KIRREL3: variants seen among roughly 807,000 people sequenced by gnomAD.
KIRREL3 encodes kin of IRRE-like protein 3.
In KIRREL3, 36 loss-of-function variants were observed where a neutral mutation model predicts 89.7. That is an observed-to-expected ratio of 0.40 (90% CI 0.31 to 0.53). The LOEUF is 0.53. Among genes scored for constraint, KIRREL3 ranks in the 20% least tolerant of loss-of-function variants. The pLI is 0.49. For synonymous variants in KIRREL3, 445 were observed against 441.4 expected (o/e 1.01, Z -0.10); for missense variants, 864 against 1,056.6 (o/e 0.82, Z 2.53).
intron 1 of KIRREL3, among the ~76,000 whole-genome samples, chr11:126,875,964 G>T (rs1428583237): frequency 2.6e-5 from 4 of 152,184 alleles, no homozygotes; most frequent in Non-Finnish European, 5.9e-5. Context: ...AACAGGCAAA[G>T]GCTGGGAGGT....
At chr11:126,845,056 TC>T (rs1270502405) in intron 1 of KIRREL3, among the ~76,000 whole-genome samples, 3 of 152,146 alleles carry the variant, frequency 2.0e-5, no homozygotes, top group Non-Finnish European at 4.4e-5. Flanking sequence ...AAGTTGAAAC[TC>T]CTGGTCAGAG....
At chr11:126,588,541 G>A (rs1941983297) in intron 1 of KIRREL3, among the ~76,000 whole-genome samples, 1 of 152,150 alleles carries the variant, frequency 6.6e-6, no homozygotes, top group Non-Finnish European at 1.5e-5. Context: ...GAGAGGAGGA[G>A]TCCTTGCCAA....
At position 126,749,385 on chromosome 11, in the gene KIRREL3, C is replaced by T. The variant is rs116129190; in HGVS notation, c.56-186473G>A. Among the ~76,000 whole-genome samples, 299 of 152,220 alleles carry T rather than the reference C, an allele frequency of 2.0e-3. 2 individuals carry two copies. Among genetic ancestry groups the T allele is most frequent in the African/African-American group, 6.0e-3 (249 of 41,548 alleles). ...TTTCTACACCTTTTCTAAATTGCTC[C>T]GACTTGCGTGGTTCAAGTTACCCCA... On this transcript the variant is annotated intron_variant, in intron 1 of 16. Transcript: ENST00000525144.
rs1008838666 is a variant in KIRREL3 at position 126,756,232 on chromosome 11, T to G, written c.56-193320A>C. Reference sequence around the variant, plus strand: ...TCAAAATAAGATTCCCATGATGTCTTCCAGCAGACGACTCCACCCCCAACA... The same window carrying G: ...TCAAAATAAGATTCCCATGATGTCTGCCAGCAGACGACTCCACCCCCAACA... On this transcript the variant is annotated intron_variant, in intron 1 of 16. Transcript: ENST00000525144. 2.0e-5 allele frequency among the ~76,000 whole-genome samples: 3 copies of G among 152,228 alleles called. No individual in the cohort carries two copies. In the East Asian group the frequency reaches 5.8e-4, roughly 29 times the overall value.
At chr11:126,648,245 T>C (rs1314558662) in intron 1 of KIRREL3, among the ~76,000 whole-genome samples, 1 of 152,222 alleles carries the variant, frequency 6.6e-6, no homozygotes, top group Admixed American at 6.5e-5. Context: ...TCAATTAAAC[T>C]TCTTTCCTTT....
intron 10 of KIRREL3, among the ~76,000 whole-genome samples, chr11:126,442,313 AACACACACACACACACACAC>A (rs71984147): frequency 2.9e-5 from 4 of 136,604 alleles, no homozygotes; most frequent in East Asian, 2.1e-4. Context: ...AGACACACAA[AACACACACACACACACACAC>A]ACACACACAC....
At chr11:126,961,045 T>A (rs1949069675) in intron 1 of KIRREL3, among the ~76,000 whole-genome samples, 1 of 152,110 alleles carries the variant, frequency 6.6e-6, no homozygotes, top group Non-Finnish European at 1.5e-5. Context: ...AATCAATGAG[T>A]GTGGTGTGTG....
rs1184735821 is a variant in KIRREL3, at chr11:126,744,425, AG to A, written c.56-181514del. Among the ~76,000 whole-genome samples, 5 of 152,240 alleles carry A rather than the reference AG, an allele frequency of 3.3e-5. 1 individual carries two copies. Among genetic ancestry groups the A allele is most frequent in the African/African-American group, 1.2e-4 (5 of 41,462 alleles). ...CCATACTGTCCCAGACATGCAGAAC[AG>A]GCTGCTGGACTAGACGGGGACAAGG... On this transcript the variant is annotated intron_variant, in intron 1 of 16. Transcript: ENST00000525144. This position sits in a 1 kb window ranked among gnomAD's most constrained non-coding sequence, Gnocchi z 4.7.
At chr11:126,962,563 T>C (rs1337916720) in intron 1 of KIRREL3, among the ~76,000 whole-genome samples, 1 of 152,184 alleles carries the variant, frequency 6.6e-6, no homozygotes, top group Non-Finnish European at 1.5e-5. Context: ...GTACTCTCAG[T>C]GCAGATGCTA....
chr11:126,781,622 C>T (rs1950328925), intron 1 of KIRREL3, among the ~76,000 whole-genome samples: 1 of 152,166 alleles, frequency 6.6e-6, no homozygotes, highest in Admixed American at 6.5e-5. Context: ...ATCTCCTTTG[C>T]TATTAAAAAC....
At chr11:126,733,825 A>G (rs1948713265) in intron 1 of KIRREL3, among the ~76,000 whole-genome samples, 3 of 152,030 alleles carry the variant, frequency 2.0e-5, no homozygotes, top group African/African-American at 7.3e-5. Flanking sequence ...CTTTTCTGAG[A>G]CTTGCTGTAA....
chr11:126,882,414 C>A (rs1945538554), intron 1 of KIRREL3, among the ~76,000 whole-genome samples: 1 of 152,196 alleles, frequency 6.6e-6, no homozygotes, highest in Non-Finnish European at 1.5e-5. Flanking sequence ...GTTAACTGAA[C>A]TAGCAACACA....
rs77803143 is a variant in KIRREL3 at position 126,634,106 on chromosome 11, G to A, written c.56-71194C>T. Among the ~76,000 whole-genome samples the A allele has an allele frequency of 3.2e-3, 481 of 152,282 alleles. 13 individuals carry two copies. In the East Asian group the frequency reaches 0.061, roughly 19 times the overall value. On this transcript the variant is annotated intron_variant, in intron 1 of 16. Coordinates refer to ENST00000525144, the MANE Select transcript of KIRREL3 (RefSeq NM_032531.4). ...CAAAGCTCCAGTTGGAAGGGAACAC[G>A]TTCTCTTTTTCTGGGGTGATCCAGT... is the stretch of plus-strand genomic sequence containing the variant.
chr11:126,681,549 A>G (rs1019929363), intron 1 of KIRREL3, among the ~76,000 whole-genome samples: 1 of 151,948 alleles, frequency 6.6e-6, no homozygotes, highest in African/African-American at 2.4e-5. Context: ...AAAGTGGAGG[A>G]CTTGGGAGCG....
chr11:126,444,043 G>A (rs1427557839), intron 10 of KIRREL3, among the ~76,000 whole-genome samples: 1 of 152,190 alleles, frequency 6.6e-6, no homozygotes, highest in Admixed American at 6.5e-5. Flanking sequence ...CAACCTTCTT[G>A]GGTCTGGCCT....
In KIRREL3 at chr11:126,526,785, G is replaced by A; in HGVS notation, c.134-98C>T. ...GAAGCAGAGCAGGGCTGGCGCAGGA[G>A]ACTGAGCCTCCTGAAGCACCTGGCT... On this transcript the variant is annotated intron_variant, in intron 2 of 16. Coordinates refer to ENST00000525144, the MANE Select transcript of KIRREL3 (RefSeq NM_032531.4). This position sits in a 1 kb window ranked among gnomAD's most constrained non-coding sequence, Gnocchi z 5.7. 7.7e-7 allele frequency: 1 copy of A among 1,305,506 alleles called. No homozygotes were observed. The highest frequency in any genetic ancestry group is 1.1e-6 in the Non-Finnish European group (1 of 945,628). 80.9% of individuals were successfully genotyped at this position (1,305,506 alleles called of 1,614,324 possible).
Position 126,943,687 on chromosome 11 carries a change from G to A in KIRREL3, c.55+56768C>T, listed in dbSNP as rs546103860. ...ACCAGGGCCAGAATGACTGATGTGAGGGGTCAAGGGCAGGCTTTGCCTCCA... is the reference window on the plus strand; with the variant it reads ...ACCAGGGCCAGAATGACTGATGTGAAGGGTCAAGGGCAGGCTTTGCCTCCA... On this transcript the variant is annotated intron_variant, in intron 1 of 16. Coordinates refer to ENST00000525144, the MANE Select transcript of KIRREL3 (RefSeq NM_032531.4). The surrounding 1 kb of genome is among the most constrained non-coding windows in gnomAD (Gnocchi z 4.2). Among the ~76,000 whole-genome samples the A allele has an allele frequency of 5.2e-4, 79 of 152,330 alleles. No homozygotes were observed. The highest frequency in any genetic ancestry group is 1.7e-3 in the African/African-American group (72 of 41,590).
At chr11:126,712,469 A>C (rs1947800550) in intron 1 of KIRREL3, among the ~76,000 whole-genome samples, 1 of 151,940 alleles carries the variant, frequency 6.6e-6, no homozygotes, top group Admixed American at 6.6e-5. Context: ...CGCCTGCTCC[A>C]CCTCGCCCGT....
chr11:126,759,977 C>T (rs1015163459), intron 1 of KIRREL3, among the ~76,000 whole-genome samples: 2 of 152,110 alleles, frequency 1.3e-5, no homozygotes, highest in Admixed American at 6.6e-5. Context: ...CCAACCCCAG[C>T]GCAACCCCAG....
Sources: gnomAD v4.1 joint callset for allele counts (sites outside exome capture counted in the v4.1 genomes callset) on GRCh38, gnomAD v4.1.1 for gene constraint, Gnocchi (gnomAD v3.1) non-coding constraint, MANE v1.5 for transcripts, NCBI Gene and HGNC (gene_info 2026-07-23, HGNC 2026-07-21) for gene names.